RPL39: variants seen among roughly 807,000 people sequenced by gnomAD.
RPL39 encodes the protein large ribosomal subunit protein eL39.
For synonymous variants in RPL39, 8 were observed against 11.4 expected (o/e 0.70, Z 0.60); for missense variants, 6 against 37.2 (o/e 0.16, Z 2.18).
At chrX:119,789,556 C>CA (rs1385582390) in intron 2 of RPL39, among the ~76,000 whole-genome samples, 37 of 84,535 alleles carry the variant, frequency 4.4e-4, no homozygotes, top group African/African-American at 7.8e-4. Flanking sequence ...GACTCCGTCT[C>CA]AAAACAAAAA....
chrX:119,787,300 A>T, intron 2 of RPL39: 1 of 357,643 alleles, frequency 2.8e-6, no homozygotes, highest in Non-Finnish European at 5.5e-6. Context: ...CATGATCTTT[A>T]CAATCGATCA....
chrX:119,789,844 A>T, intron 2 of RPL39, 64 bp downstream of exon 2: 1 of 611,826 alleles, frequency 1.6e-6, no homozygotes, highest in Non-Finnish European at 2.8e-6. Context: ...TCAAAAAGTA[A>T]CCCTGGCCAG....
chrX:119,790,483 C>T (rs909251623), intron 1 of RPL39: 4 of 114,192 alleles, frequency 3.5e-5, no homozygotes, highest in Non-Finnish European at 5.5e-5. Context: ...AACAGGGGTA[C>T]GTACTTTTCA....
chrX:119,790,057 G>A (rs772936614), intron 1 of RPL39, 46 bp from the exon 2 acceptor site: 9 of 781,897 alleles, frequency 1.2e-5, no homozygotes, highest in African/African-American at 6.1e-5. Flanking sequence ...GAGCCTGCCC[G>A]AATGATTCAA....
chrX:119,788,571 C>T (rs1221878529), intron 2 of RPL39, among the ~76,000 whole-genome samples: 1 of 110,110 alleles, frequency 9.1e-6, no homozygotes, highest in Non-Finnish European at 1.9e-5. Context: ...CTAGCCTGGG[C>T]AACATGGCGA....
At chrX:119,789,821 C>T (rs2055689573) in intron 2 of RPL39, 87 bp downstream of exon 2, 2 of 520,903 alleles carry the variant, frequency 3.8e-6, no homozygotes, top group African/African-American at 4.6e-5. Context: ...CAATTTTAAT[C>T]ATGTATTTAT....
At chrX:119,789,806 G>C in intron 2 of RPL39, 102 bp downstream of exon 2, 1 of 490,310 alleles carries the variant, frequency 2.0e-6, no homozygotes. Flanking sequence ...GGATTGGATT[G>C]CATGCAATTT....
chrX:119,786,850 C>A (rs1184966188), intron 2 of RPL39, 118 bp from the exon 3 acceptor site: 2 of 539,475 alleles, frequency 3.7e-6, no homozygotes, highest in East Asian at 6.9e-5. Context: ...TCTCCTCTAA[C>A]AAGTTTGGAG....
At chrX:119,787,906 C>T (rs890522553) in intron 2 of RPL39, among the ~76,000 whole-genome samples, 3 of 111,341 alleles carry the variant, frequency 2.7e-5, no homozygotes, top group African/African-American at 9.8e-5. Flanking sequence ...AATCCTCCTG[C>T]GTTGGCCTCT....
intron 2 of RPL39, chrX:119,787,375 T>C (rs1603362572): frequency 2.7e-6 from 1 of 373,431 alleles, no homozygotes; most frequent in East Asian, 7.5e-5. Flanking sequence ...CAATCTGTCA[T>C]GATTTTACCC....
At chrX:119,787,265 G>C (rs143255867) in intron 2 of RPL39, 1 of 319,477 alleles carries the variant, frequency 3.1e-6, no homozygotes, top group Non-Finnish European at 6.0e-6. Context: ...GAGATTACAG[G>C]CATGAGCCAC....
At chrX:119,790,274 C>G (rs950204110) in intron 1 of RPL39, 13 of 247,103 alleles carry the variant, frequency 5.3e-5, no homozygotes, top group African/African-American at 3.3e-4. Context: ...TGTGCAGAAC[C>G]AGGATTCAAA....
chrX:119,788,531 CAA>C (rs11410623), intron 2 of RPL39, among the ~76,000 whole-genome samples: 11 of 91,573 alleles, frequency 1.2e-4, no homozygotes, highest in South Asian at 5.0e-4. Flanking sequence ...AACTCCATCT[CAA>C]AAAAAAAAAA....
intron 2 of RPL39, 131 bp from the exon 3 acceptor site, chrX:119,786,863 C>A (rs2055668717): frequency 1.2e-5 from 6 of 493,132 alleles, no homozygotes; most frequent in African/African-American, 7.1e-5. Context: ...GTTTGGAGTT[C>A]TTTCTGGAGA....
intron 2 of RPL39, 91 bp from the exon 3 acceptor site, chrX:119,786,823 A>G: frequency 1.5e-6 from 1 of 667,884 alleles, no homozygotes; most frequent in East Asian, 3.3e-5. Context: ...CACAAAATAC[A>G]AAGGGTACTG....
chrX:119,787,644 G>A (rs569744914), intron 2 of RPL39, among the ~76,000 whole-genome samples: 1 of 111,195 alleles, frequency 9.0e-6, no homozygotes, highest in East Asian at 2.8e-4. Flanking sequence ...ACTAGGCGTT[G>A]AGTTTTACAT....
intron 1 of RPL39, chrX:119,790,216 A>C (rs920724551): frequency 5.6e-6 from 2 of 355,870 alleles, no homozygotes; most frequent in Admixed American, 9.2e-5. Context: ...CGTTCAGATA[A>C]AATAAGTGGA....
At chrX:119,788,385 A>G (rs2055679685) in intron 2 of RPL39, among the ~76,000 whole-genome samples, 1 of 110,848 alleles carries the variant, frequency 9.0e-6, no homozygotes, top group South Asian at 3.8e-4. Flanking sequence ...TACAAAAATT[A>G]GCCAGGTGTG....
chrX:119,786,711 A>G lies in RPL39; in HGVS notation c.129T>C (p.His43=). 5 of 1,205,236 alleles carry G rather than the reference A, an allele frequency of 4.1e-6. No individual in the cohort carries two copies. The highest frequency in any genetic ancestry group is 3.5e-5 in the South Asian group (2 of 56,550). ...NKIRYNSKRR[H]WRRTKLGL Reference sequence around the variant, plus strand: ...ATAGACCCAGCTTGGTTCTTCTCCAATGTCTCCTTTTGGAGTTGTACCTAC... The same window carrying G: ...ATAGACCCAGCTTGGTTCTTCTCCAGTGTCTCCTTTTGGAGTTGTACCTAC... Residue 43 remains histidine, a synonymous_variant, in exon 3 of 3, where the codon CAT becomes CAC. Transcript: ENST00000361575.
Sources: allele counts gnomAD v4.1 joint callset (sites outside exome capture counted in the v4.1 genomes callset), GRCh38; gene constraint gnomAD v4.1.1; transcripts MANE v1.5; gene names NCBI Gene and HGNC (gene_info 2026-07-23, HGNC 2026-07-21).